MALRD1: variants seen among roughly 807,000 people sequenced by gnomAD.
The protein encoded by MALRD1 is MAM and LDL-receptor class A domain-containing protein 1.
Under a neutral mutation model 242.1 loss-of-function variants are expected in MALRD1, and 247 were observed. That is an observed-to-expected ratio of 1.02 (90% CI 0.92 to 1.13). The LOEUF (loss-of-function observed/expected upper bound fraction) is 1.13. Among genes scored for constraint, MALRD1 ranks in the 50% most tolerant of loss-of-function variants. The probability of loss-of-function intolerance (pLI) is 0.00; values close to 1 mark genes in which losing one functional copy is unlikely to be tolerated. For missense variants in MALRD1, 2,989 were observed against 2,533.1 expected (o/e 1.18, Z -3.86); for synonymous variants, 995 against 866.6 (o/e 1.15, Z -2.60).
At chr10:19,633,493 C>T (rs968939044) in intron 36 of MALRD1, among the ~76,000 whole-genome samples, 1 of 152,140 alleles carries the variant, frequency 6.6e-6, no homozygotes, top group African/African-American at 2.4e-5. Flanking sequence ...TTGGAAACTC[C>T]ACTTCTCCCC....
At chr10:19,589,939 C>G (rs971124610) in intron 33 of MALRD1, among the ~76,000 whole-genome samples, 1 of 152,112 alleles carries the variant, frequency 6.6e-6, no homozygotes. Flanking sequence ...TGAACAACAA[C>G]ATGAATTCCC....
Position 19,623,172 on chromosome 10 carries a change from C to T in MALRD1, c.6137+7249C>T, listed in dbSNP as rs574049606. On this transcript the variant is annotated intron_variant, in intron 36 of 39. Coordinates refer to ENST00000454679, the MANE Select transcript of MALRD1 (RefSeq NM_001142308.3). ...TTACATAAAAATTTATTTTTAACAA[C>T]GTTTTTTAATGACAAAAAATACCAC... Among the ~76,000 whole-genome samples the T allele has an allele frequency of 1.1e-4, 17 of 151,664 alleles. No individual in the cohort carries two copies. In the South Asian group the frequency reaches 2.9e-3, roughly 26 times the overall value.
At chr10:19,353,836 C>T (rs1344266843) in intron 26 of MALRD1, among the ~76,000 whole-genome samples, 2 of 151,944 alleles carry the variant, frequency 1.3e-5, no homozygotes, top group Non-Finnish European at 2.9e-5. Context: ...TTGTAGCATC[C>T]AGTTGGTGGG....
At chr10:19,617,589 C>T (rs1285150745) in intron 36 of MALRD1, among the ~76,000 whole-genome samples, 1 of 151,874 alleles carries the variant, frequency 6.6e-6, no homozygotes, top group Admixed American at 6.6e-5. Context: ...TGTGGGTTGT[C>T]ATGAGTCTTT....
At chr10:19,239,446 G>A (rs920340266) in intron 18 of MALRD1, among the ~76,000 whole-genome samples, 12 of 152,114 alleles carry the variant, frequency 7.9e-5, no homozygotes, top group African/African-American at 2.9e-4. Context: ...CATTCTGTAA[G>A]TTGTCTTTTC....
chr10:19,316,125 A>C (rs1431206689), intron 21 of MALRD1, among the ~76,000 whole-genome samples: 3 of 151,408 alleles, frequency 2.0e-5, no homozygotes, highest in Non-Finnish European at 4.4e-5. Context: ...TAATTTACTA[A>C]GGAAACTCCT....
chr10:19,308,677 G>T (rs973465957), intron 21 of MALRD1, among the ~76,000 whole-genome samples: 2 of 151,472 alleles, frequency 1.3e-5, no homozygotes, highest in Non-Finnish European at 3.0e-5. Context: ...ATACCTGGCC[G>T]TACTTGTCCT....
chr10:19,384,358 T>A (rs1376828784), intron 26 of MALRD1, among the ~76,000 whole-genome samples: 1 of 124,234 alleles, frequency 8.0e-6, no homozygotes, highest in Non-Finnish European at 1.6e-5. Context: ...ATAATATATA[T>A]TATATAGTAT....
chr10:19,170,423 A>G (rs1834873804), intron 13 of MALRD1, among the ~76,000 whole-genome samples: 1 of 152,176 alleles, frequency 6.6e-6, no homozygotes, highest in Non-Finnish European at 1.5e-5. Context: ...CATATTTTAG[A>G]TTTCATTTTG....
intron 36 of MALRD1, among the ~76,000 whole-genome samples, chr10:19,686,193 C>CT (rs58978591): frequency 1 from 152,292 of 152,292 alleles, 76,146 homozygotes; most frequent in Non-Finnish European, 1. Context: ...GTAAAGTACA[C>CT]TGGAAGAGGG....
At chr10:19,587,290 C>G (rs1399768022) in intron 33 of MALRD1, among the ~76,000 whole-genome samples, 1 of 152,206 alleles carries the variant, frequency 6.6e-6, no homozygotes, top group African/African-American at 2.4e-5. Flanking sequence ...ACTAAAATGC[C>G]TGCCAGAGAC....
In MALRD1 at chr10:19,456,750, C is replaced by CATTTATTTATTTATTTATTT. The variant is rs148086758; in HGVS notation, c.5029+6281_5029+6300dup. 1.1e-4 allele frequency among the ~76,000 whole-genome samples: 16 copies of CATTTATTTATTTATTTATTT among 141,636 alleles called. No homozygotes were observed. The East Asian group carries it at 1.2e-3, about 11-fold the overall frequency. The allele number at this position is 141,636 out of a possible 152,430, so 92.9% of individuals were successfully genotyped here. A position where few individuals can be genotyped will look rare whatever the true frequency, so the allele number is the denominator to read the frequency against. On this transcript the variant is annotated intron_variant, in intron 29 of 39. Coordinates refer to ENST00000454679, the MANE Select transcript of MALRD1 (RefSeq NM_001142308.3). ...GCCCTAATGAAATAATTAAAAGTGACATTTATTTATTTATTTATTTATTTA... is the reference window on the plus strand; with the variant it reads ...GCCCTAATGAAATAATTAAAAGTGACATTTATTTATTTATTTATTTATTTATTTATTTATTTATTTATTTA...
intron 31 of MALRD1, among the ~76,000 whole-genome samples, chr10:19,530,030 A>G (rs1325563830): frequency 6.6e-6 from 1 of 151,970 alleles, no homozygotes; most frequent in Admixed American, 6.6e-5. Context: ...TATTTTGTAG[A>G]TATTAACAAA....
At chr10:19,172,061 T>A (rs1282007091) in intron 13 of MALRD1, among the ~76,000 whole-genome samples, 1 of 76,146 alleles carries the variant, frequency 1.3e-5, no homozygotes. Context: ...ATATCACATA[T>A]ATGTGATATA....
chr10:19,289,755 A>G (rs1841317337), intron 21 of MALRD1, among the ~76,000 whole-genome samples: 1 of 152,170 alleles, frequency 6.6e-6, no homozygotes, highest in African/African-American at 2.4e-5. Flanking sequence ...TTCTAATTTT[A>G]AATTGGCTTT....
At chr10:19,695,047 T>A (rs1208802411) in intron 38 of MALRD1, among the ~76,000 whole-genome samples, 1 of 151,840 alleles carries the variant, frequency 6.6e-6, no homozygotes, top group African/African-American at 2.4e-5. Flanking sequence ...AGAGGAAGGG[T>A]GACATCACAC....
At chr10:19,645,715 C>T (rs555729228) in intron 36 of MALRD1, among the ~76,000 whole-genome samples, 230 of 152,040 alleles carry the variant, frequency 1.5e-3, no homozygotes, top group African/African-American at 4.9e-3. Context: ...ACATCACACT[C>T]CAGGGACTGT....
chr10:19,101,497 A>G (rs1395536378), intron 4 of MALRD1, among the ~76,000 whole-genome samples: 2 of 138,248 alleles, frequency 1.4e-5, no homozygotes, highest in Non-Finnish European at 3.0e-5. Flanking sequence ...TATAAAATAT[A>G]TAGCATATGT....
chr10:19,727,840 A>G (rs1835105878), intron 38 of MALRD1, among the ~76,000 whole-genome samples: 1 of 151,728 alleles, frequency 6.6e-6, no homozygotes, highest in African/African-American at 2.4e-5. Flanking sequence ...GAAACTTTAT[A>G]ATGAAACAAA....
Sources: allele counts gnomAD v4.1 joint callset (sites outside exome capture counted in the v4.1 genomes callset), GRCh38; gene constraint gnomAD v4.1.1; transcripts MANE v1.5; gene names NCBI Gene and HGNC (gene_info 2026-07-23, HGNC 2026-07-21).